Variants in NETO1 observed in about 807,000 individuals in gnomAD.
The protein encoded by NETO1 is neuropilin and tolloid-like protein 1.
In NETO1, 26 loss-of-function variants were observed where a neutral mutation model predicts 61.3. The ratio of observed to expected loss-of-function variants is 0.42; its 90% CI spans 0.31 to 0.59. The LOEUF (loss-of-function observed/expected upper bound fraction) is 0.59, where lower values mean the gene tolerates loss of function less well. NETO1 is among the 20% of genes least tolerant of loss of function. NETO1 has a pLI of 0.12. For missense variants in NETO1, 531 were observed against 662.8 expected (o/e 0.80, Z 2.18); for synonymous variants, 225 against 225.8 (o/e 1.00, Z 0.03).
chr18:72,753,608 G>C (rs867635356), intron 8 of NETO1, among the ~76,000 whole-genome samples: 2 of 152,304 alleles, frequency 1.3e-5, no homozygotes, highest in Middle Eastern at 3.4e-3. Context: ...AAATTGAACA[G>C]ATACTAAATT....
intron 4 of NETO1, among the ~76,000 whole-genome samples, chr18:72,821,234 T>TCAAAAAAAAAAAAAA (rs2073185071): frequency 1.2e-5 from 1 of 80,220 alleles, no homozygotes; most frequent in Non-Finnish European, 2.3e-5. Context: ...TCATATTAAC[T>TCAAAAAAAAAAAAAA]AAAAAAAAAA....
chr18:72,767,429 T>A (rs2071203826), intron 7 of NETO1, among the ~76,000 whole-genome samples: 2 of 152,132 alleles, frequency 1.3e-5, no homozygotes, highest in South Asian at 2.1e-4. Flanking sequence ...TTTAAAAAAA[T>A]TATTCTAAAT....
rs1329854246 is a variant in NETO1, at chr18:72,867,324, A to C, written c.-33T>G. On this transcript the variant is annotated 5_prime_UTR_variant, in exon 1 of 11. Transcript: ENST00000327305. ...CGTTACACCAGAGGCTCCGGGCTCC[A>C]CTAATTCCATTTAGAGACGGGAAGA... 2.4e-5 allele frequency: 38 copies of C among 1,552,136 alleles called. No homozygotes were observed. Among genetic ancestry groups the C allele is most frequent in the Non-Finnish European group, 3.3e-5 (38 of 1,148,432 alleles).
At chr18:72,840,663 A>T (rs1015176965) in intron 4 of NETO1, among the ~76,000 whole-genome samples, 25 of 152,180 alleles carry the variant, frequency 1.6e-4, no homozygotes, top group African/African-American at 5.5e-4. Flanking sequence ...AAAAGAAAGA[A>T]CTTCTTGGAA....
chr18:72,798,058 G>T lies in NETO1; in HGVS notation c.470-3654C>A, dbSNP rs9807739. On this transcript the variant is annotated intron_variant, in intron 4 of 10. Transcript: ENST00000327305. ...CTATTTGTCTGTATATTTTTTTACC[G>T]TCTACTTCCACTGCTCCATAATCAA... Among the ~76,000 whole-genome samples, 1,243 of 152,026 alleles carry T rather than the reference G, an allele frequency of 8.2e-3. 21 individuals are homozygous for T. The highest frequency in any genetic ancestry group is 0.028 in the African/African-American group (1,173 of 41,442).
intron 4 of NETO1, among the ~76,000 whole-genome samples, chr18:72,855,275 G>A (rs760290968): frequency 6.6e-6 from 1 of 152,062 alleles, no homozygotes; most frequent in Non-Finnish European, 1.5e-5. Flanking sequence ...GCGCCCCCTG[G>A]CCCTTCTACA....
chr18:72,801,613 C>T (rs1343398933), intron 4 of NETO1, among the ~76,000 whole-genome samples: 2 of 152,034 alleles, frequency 1.3e-5, no homozygotes, highest in African/African-American at 2.4e-5. Context: ...TAATACAATC[C>T]CAGTAACCCG....
At chr18:72,851,066 C>T (rs1028380393) in intron 4 of NETO1, among the ~76,000 whole-genome samples, 3 of 152,054 alleles carry the variant, frequency 2.0e-5, no homozygotes, top group Admixed American at 2.0e-4. Context: ...CGAAAGGAAC[C>T]GGCATCACAG....
At chr18:72,789,285 A>G (rs190349673) in intron 6 of NETO1, among the ~76,000 whole-genome samples, 1 of 152,014 alleles carries the variant, frequency 6.6e-6, no homozygotes, top group East Asian at 1.9e-4. Flanking sequence ...AACAATAAAA[A>G]ATAATTTTCT....
chr18:72,844,526 C>A (rs947430083), intron 4 of NETO1, among the ~76,000 whole-genome samples: 1 of 152,204 alleles, frequency 6.6e-6, no homozygotes, highest in Non-Finnish European at 1.5e-5. Flanking sequence ...TCAGTCTTAC[C>A]TAACCTCCTC....
intron 4 of NETO1, among the ~76,000 whole-genome samples, chr18:72,810,823 A>C (rs1393721149): frequency 6.6e-6 from 1 of 152,188 alleles, no homozygotes; most frequent in Non-Finnish European, 1.5e-5. Flanking sequence ...CAGCAACATA[A>C]ATCAATATCA....
intron 4 of NETO1, among the ~76,000 whole-genome samples, chr18:72,798,284 T>C (rs2072387312): frequency 2.6e-5 from 4 of 152,310 alleles, no homozygotes; most frequent in Admixed American, 2.6e-4. Context: ...GAACTGTGCA[T>C]GCGAGGGATC....
At position 72,841,049 on chromosome 18, in the gene NETO1, CTG is replaced by C. The variant is rs2073914485; in HGVS notation, c.469+17775_469+17776del. The stretch of plus-strand genomic sequence containing the variant: ...AGCTGTTTATTTAACTGCCAAGTTT[CTG>C]TTTTGGTGACTACTCTTCTTCTAGC... On this transcript the variant is annotated intron_variant, in intron 4 of 10. Coordinates refer to ENST00000327305, the MANE Select transcript of NETO1 (RefSeq NM_138966.5). Among the ~76,000 whole-genome samples the C allele has an allele frequency of 2.0e-5, 3 of 152,270 alleles. No individual in the cohort carries two copies. The South Asian group carries it at 6.2e-4, about 32-fold the overall frequency.
At chr18:72,799,002 A>G (rs576504092) in intron 4 of NETO1, among the ~76,000 whole-genome samples, 15 of 152,324 alleles carry the variant, frequency 9.8e-5, no homozygotes, top group Non-Finnish European at 2.1e-4. Context: ...AGAAAACAAA[A>G]ACATAATGAA....
At chr18:72,835,851 G>A (rs1435280026) in intron 4 of NETO1, among the ~76,000 whole-genome samples, 1 of 152,124 alleles carries the variant, frequency 6.6e-6, no homozygotes, top group African/African-American at 2.4e-5. Flanking sequence ...TATGATTTAT[G>A]GTTACTTCCT....
At chr18:72,760,868 TTC>T (rs1555682137) in intron 7 of NETO1, among the ~76,000 whole-genome samples, 19 of 152,170 alleles carry the variant, frequency 1.2e-4, no homozygotes. Flanking sequence ...CTTTTTCAGT[TTC>T]TGTTTATATC....
chr18:72,856,133 T>G (rs959218711), intron 4 of NETO1, among the ~76,000 whole-genome samples: 7 of 152,188 alleles, frequency 4.6e-5, no homozygotes, highest in Admixed American at 4.6e-4. Context: ...TCTCAATGTG[T>G]TTACATAAAG....
intron 4 of NETO1, among the ~76,000 whole-genome samples, chr18:72,809,352 G>A (rs924620650): frequency 1.3e-4 from 20 of 152,204 alleles, no homozygotes; most frequent in Middle Eastern, 3.4e-3. Context: ...AGCCACCGAC[G>A]AGGAAAATTT....
chr18:72,812,008 G>T (rs1599050354), intron 4 of NETO1, among the ~76,000 whole-genome samples: 1 of 152,258 alleles, frequency 6.6e-6, no homozygotes, highest in East Asian at 1.9e-4. Flanking sequence ...AAGAGATCTG[G>T]TGTTCCCACA....
Sources: allele counts gnomAD v4.1 joint callset (sites outside exome capture counted in the v4.1 genomes callset), GRCh38; gene constraint gnomAD v4.1.1; transcripts MANE v1.5; gene names NCBI Gene and HGNC (gene_info 2026-07-23, HGNC 2026-07-21).